Variants in SRGAP3 observed in about 807,000 individuals in gnomAD.
SRGAP3 encodes SLIT-ROBO Rho GTPase-activating protein 3.
SRGAP3 carries 39 observed loss-of-function variants against 121.1 expected under a neutral mutation model. That is an observed-to-expected ratio of 0.32 (90% CI 0.25 to 0.42). The LOEUF (loss-of-function observed/expected upper bound fraction) is 0.42, where lower values mean the gene tolerates loss of function less well. Ranked by LOEUF, SRGAP3 falls within the 10% of genes least tolerant of loss-of-function variation. The probability of loss-of-function intolerance (pLI) is 1.00; values close to 1 mark genes in which losing one functional copy is unlikely to be tolerated. For missense variants in SRGAP3, 1,213 were observed against 1,470.6 expected, an observed-to-expected ratio of 0.82 and a Z score of 2.86; for synonymous variants, 601 against 570.0, an observed-to-expected ratio of 1.05 and a Z score of -0.77.
Position 9,010,361 on chromosome 3 carries a change from G to A in SRGAP3, c.2174C>T (p.Ala725Val). ...YCDSPHSEPG[A>V]IDEVDHDNGT... ...ATTGTCATGGTCAACTTCATCGATG[G>A]CCCCTGGCTCGCTGTGTGGGCTGTC... is the stretch of plus-strand genomic sequence containing the variant. The change falls in exon 18 of 22, where the codon GCC (alanine) becomes GTC (valine). Residue 725 changes from alanine to valine, a missense_variant. Physicochemically the swap from Ala to Val is moderately conservative, Grantham distance 64. Around this residue, in one of 2 missense-constraint regions of SRGAP3, gnomAD observed 793 missense variants for 1,032.9 expected, o/e 0.77. Transcript: ENST00000383836. 6.2e-7 allele frequency: 1 copy of A among 1,614,030 alleles called. No homozygotes were observed.
chr3:9,258,107 A>G (rs530873987), intron 3 of SRGAP3, among the ~76,000 whole-genome samples: 8 of 152,314 alleles, frequency 5.3e-5, no homozygotes, highest in African/African-American at 1.9e-4. Context: ...CCTCAGTTTA[A>G]TGGAAGAGAC....
intron 11 of SRGAP3, 83 bp downstream of exon 11, chr3:9,037,980 A>C (rs884236): frequency 0.091 from 144,297 of 1,582,314 alleles, 8,366 homozygotes; most frequent in African/African-American, 0.27. Context: ...CTGCTTCTCC[A>C]GCTCCTGGCA....
At chr3:9,259,009 G>A (rs1030510537) in intron 3 of SRGAP3, among the ~76,000 whole-genome samples, 2 of 152,152 alleles carry the variant, frequency 1.3e-5, no homozygotes. Context: ...TTGGGCATCC[G>A]CCTCGCTCCT....
At chr3:9,047,504 T>A (rs761718100) in intron 9 of SRGAP3, 29 bp from the exon 10 acceptor site, 2 of 1,609,648 alleles carry the variant, frequency 1.2e-6, no homozygotes, top group East Asian at 2.2e-5. Context: ...AAGGAAGTTA[T>A]AGATTGCAAG....
At chr3:9,144,129 T>C (rs760142541) in intron 1 of SRGAP3, among the ~76,000 whole-genome samples, 1 of 152,078 alleles carries the variant, frequency 6.6e-6, no homozygotes, top group African/African-American at 2.4e-5. Flanking sequence ...AAGTTCCTAT[T>C]CTCCTCCCTC....
At chr3:9,098,412 C>T (rs1265701577) in intron 3 of SRGAP3, among the ~76,000 whole-genome samples, 1 of 152,198 alleles carries the variant, frequency 6.6e-6, no homozygotes, top group East Asian at 1.9e-4. Context: ...GCTGGGACCA[C>T]AGGCAAATGC....
chr3:8,992,964 C>T lies in SRGAP3; in HGVS notation c.2500G>A (p.Asp834Asn). ...ATGTGCTCCGTGGGGGACTGGAGGTCGTTTTTGGAAGAGGCCTTGTCATCC... is the reference window on the plus strand; with the variant it reads ...ATGTGCTCCGTGGGGGACTGGAGGTTGTTTTTGGAAGAGGCCTTGTCATCC... ...LLDDKASSKN[D>N]LQSPTEHISD... Residue 834 changes from aspartate (D) to asparagine (N), a missense_variant, in exon 20 of 22, where the codon GAC (aspartate) becomes AAC (asparagine). By Grantham distance (23) the Asp-to-Asn change is conservative (BLOSUM62 1). Around this residue, in one of 2 missense-constraint regions of SRGAP3, gnomAD observed 420 missense variants for 437.7 expected, o/e 0.96. Coordinates refer to ENST00000383836, the MANE Select transcript of SRGAP3 (RefSeq NM_014850.4). The T allele has an allele frequency of 6.2e-7, 1 of 1,614,190 alleles. No homozygotes were observed. The highest frequency in any genetic ancestry group is 8.5e-7 in the Non-Finnish European group (1 of 1,180,030).
intron 3 of SRGAP3, among the ~76,000 whole-genome samples, chr3:9,264,750 T>A (rs1954321783): frequency 1.3e-5 from 2 of 152,186 alleles, no homozygotes; most frequent in Admixed American, 1.3e-4. Flanking sequence ...AAACATTCCA[T>A]GCTCATGGAT....
intron 1 of SRGAP3, among the ~76,000 whole-genome samples, chr3:9,139,445 G>A (rs1200703384): frequency 6.6e-6 from 1 of 152,228 alleles, no homozygotes; most frequent in Non-Finnish European, 1.5e-5. Flanking sequence ...AGAAGAGGAG[G>A]AGGCAGTGTG....
intron 3 of SRGAP3, among the ~76,000 whole-genome samples, chr3:9,288,650 C>T (rs183973278): frequency 0.011 from 1,670 of 150,896 alleles, 13 homozygotes; most frequent in Non-Finnish European, 0.018. Context: ...TCAGAGCTTA[C>T]TGCAGCCTCC....
At chr3:9,242,516 T>A (rs1460981723) in intron 1 of SRGAP3, among the ~76,000 whole-genome samples, 1 of 152,050 alleles carries the variant, frequency 6.6e-6, no homozygotes, top group Non-Finnish European at 1.5e-5. Context: ...GTGCCTGTAG[T>A]CCCAGCTACT....
At chr3:9,128,593 T>C (rs1949328288) in intron 1 of SRGAP3, among the ~76,000 whole-genome samples, 1 of 152,224 alleles carries the variant, frequency 6.6e-6, no homozygotes, top group Non-Finnish European at 1.5e-5. Flanking sequence ...ATTTCACTGA[T>C]GGATACATAC....
intron 1 of SRGAP3, among the ~76,000 whole-genome samples, chr3:9,201,925 T>C (rs1952079074): frequency 2.6e-5 from 4 of 152,198 alleles, no homozygotes; most frequent in Admixed American, 2.6e-4. Flanking sequence ...CTCTGTGCGT[T>C]GGGTGTTACT....
chr3:9,361,477 G>A (rs62246267), intron 1 of SRGAP3, among the ~76,000 whole-genome samples: 19,959 of 151,914 alleles, frequency 0.13, 1,648 homozygotes, highest in Non-Finnish European at 0.19. Context: ...TTTGTTGTTG[G>A]GTTCCTTTCA....
chr3:9,011,149 T>A (rs1456996916), intron 17 of SRGAP3, among the ~76,000 whole-genome samples: 1 of 152,080 alleles, frequency 6.6e-6, no homozygotes, highest in Non-Finnish European at 1.5e-5. Flanking sequence ...TTCATGTTGC[T>A]TACATTGTAG....
chr3:9,111,922 A>C (rs421915), intron 2 of SRGAP3, among the ~76,000 whole-genome samples: 28,343 of 152,156 alleles, frequency 0.19, 2,772 homozygotes, highest in Admixed American at 0.25. Context: ...ATATGTATGT[A>C]TCTATTTTCT....
At chr3:9,122,864 G>C (rs577655352) in intron 2 of SRGAP3, among the ~76,000 whole-genome samples, 1 of 152,300 alleles carries the variant, frequency 6.6e-6, no homozygotes, top group South Asian at 2.1e-4. Context: ...GTGTTTAGAG[G>C]AGTTTAAAGG....
chr3:9,300,869 T>C (rs1574984786), intron 3 of SRGAP3, among the ~76,000 whole-genome samples: 1 of 152,234 alleles, frequency 6.6e-6, no homozygotes. Flanking sequence ...CAACCCTAAA[T>C]GTCTGGGCTA....
intron 3 of SRGAP3, among the ~76,000 whole-genome samples, chr3:9,102,422 G>C (rs1948251898): frequency 6.6e-6 from 1 of 152,178 alleles, no homozygotes; most frequent in African/African-American, 2.4e-5. Context: ...ACCAAGTCTG[G>C]GTTCTCCTTG....
Sources: gnomAD v4.1 joint callset for allele counts (sites outside exome capture counted in the v4.1 genomes callset) on GRCh38, gnomAD v4.1.1 for gene constraint, gnomAD v4.1.1 regional missense constraint, MANE v1.5 for transcripts, NCBI Gene and HGNC (gene_info 2026-07-23, HGNC 2026-07-21) for gene names.